Variants in LAMTOR5 observed in about 807,000 individuals in gnomAD.
LAMTOR5 encodes late endosomal/lysosomal adaptor, MAPK and MTOR activator 5.
Under a neutral mutation model 12.1 loss-of-function variants are expected in LAMTOR5, and 8 were observed. That is an observed-to-expected ratio of 0.66 (90% CI 0.39 to 1.19). The LOEUF (loss-of-function observed/expected upper bound fraction) is 1.19. Among genes scored for constraint, LAMTOR5 ranks in the 50% most tolerant of loss-of-function variants. The pLI is 0.01. For synonymous variants in LAMTOR5, 37 were observed against 41.9 expected, an observed-to-expected ratio of 0.88 and a Z score of 0.45; for missense variants, 110 against 112.8, an observed-to-expected ratio of 0.97 and a Z score of 0.11.
In LAMTOR5 at chr1:110,404,013, GCTCATC is replaced by G. The variant is rs1663279600; in HGVS notation, c.115_120del (p.Asp39_Glu40del). On this transcript the variant is annotated inframe_deletion, in exon 3 of 4. Transcript: ENST00000602318. ...GCTAGAACAGATATCACTCCAGCAT[GCTCATC>G]TGACAGGGTCCCGCGGCCTGGAAAA... is the stretch of plus-strand genomic sequence containing the variant. The G allele has an allele frequency of 6.2e-7, 1 of 1,613,998 alleles. No homozygotes were observed. Among genetic ancestry groups the G allele is most frequent in the Non-Finnish European group, 8.5e-7 (1 of 1,180,018 alleles).
chr1:110,404,123 C>T (rs919618080), intron 2 of LAMTOR5, 87 bp from the exon 3 acceptor site: 2 of 1,547,590 alleles, frequency 1.3e-6, no homozygotes, highest in Non-Finnish European at 1.7e-6. Context: ...AAAATGTCTA[C>T]AGAATTGTCT....
At chr1:110,404,779 T>C (rs1427558468) in intron 2 of LAMTOR5, among the ~76,000 whole-genome samples, 1 of 152,206 alleles carries the variant, frequency 6.6e-6, no homozygotes, top group Admixed American at 6.5e-5. Flanking sequence ...CCGGGTGTAG[T>C]GGCTCATTCC....
At position 110,406,332 on chromosome 1, in the gene LAMTOR5, C is replaced by A; in HGVS notation, c.83G>T (p.Gly28Val). 1 of 1,606,446 alleles carries A rather than the reference C, an allele frequency of 6.2e-7. No individual in the cohort carries two copies. Among genetic ancestry groups the A allele is most frequent in the South Asian group, 1.1e-5 (1 of 89,722 alleles). ...IVGVLCTDSQ[G>V]LNLGCRGTLS... ...GAGATACTTACAACCCAGATTAAGT[C>A]CTTGTGAATCTGTGCACAGGACTCC... Residue 28 changes from glycine (G) to valine (V), a missense_variant, in exon 2 of 4, where the codon GGA (glycine) becomes GTA (valine). Transcript: ENST00000602318.
chr1:110,407,694 T>A lies in LAMTOR5; in HGVS notation c.-74A>T. 4 of 1,614,206 alleles carry A rather than the reference T, an allele frequency of 2.5e-6. No individual in the cohort carries two copies. Among genetic ancestry groups the A allele is most frequent in the Non-Finnish European group, 3.4e-6 (4 of 1,180,024 alleles). On this transcript the variant is annotated 5_prime_UTR_variant, in exon 1 of 4. Coordinates refer to ENST00000602318, the MANE Select transcript of LAMTOR5 (RefSeq NM_001382293.1). ...TTCTCCACCACAGGCCTCAGTCACTTGACGCGAGCGGGGCGTGGACCGTAA... is the reference window on the plus strand; with the variant it reads ...TTCTCCACCACAGGCCTCAGTCACTAGACGCGAGCGGGGCGTGGACCGTAA...
At chr1:110,404,770 C>A (rs541545925) in intron 2 of LAMTOR5, among the ~76,000 whole-genome samples, 32 of 152,140 alleles carry the variant, frequency 2.1e-4, no homozygotes, top group Admixed American at 2.0e-3. Context: ...GTGATTAGGC[C>A]GGGTGTAGTG....
chr1:110,404,269 A>G (rs1235875932), intron 2 of LAMTOR5, among the ~76,000 whole-genome samples: 1 of 104,168 alleles, frequency 9.6e-6, no homozygotes, highest in Non-Finnish European at 2.2e-5. Context: ...AAGGCAACAC[A>G]AAGTTAACTG....
chr1:110,403,825 T>C, intron 3 of LAMTOR5, 94 bp downstream of exon 3: 1 of 1,524,140 alleles, frequency 6.6e-7, no homozygotes, highest in Non-Finnish European at 8.8e-7. Flanking sequence ...GTAGTCTGAA[T>C]AAGGAATCAC....
chr1:110,401,594 G>GGATTACT lies in LAMTOR5; in HGVS notation c.216-12_216-11insAGTAATC. ...TGGATCATAATGTTCCTGAAATGCA[G>GGATTACT]GAAGAAAATATTCAGTAAAACGTAA... is the stretch of plus-strand genomic sequence containing the variant. On this transcript the variant is annotated splice_polypyrimidine_tract_variant and intron_variant, in intron 3 of 3. Transcript: ENST00000602318. The GGATTACT allele has an allele frequency of 6.3e-7, 1 of 1,599,536 alleles. No homozygotes were observed. The highest frequency in any genetic ancestry group is 8.6e-7 in the Non-Finnish European group (1 of 1,168,218).
chr1:110,401,260 C>A lies in LAMTOR5; in HGVS notation c.*263G>T, dbSNP rs1040748067. ...GAATCTAGAAAAGATCCATTTTCCT[C>A]CAAACAGATTTATTGAATACAGCAA... On this transcript the variant is annotated 3_prime_UTR_variant, in exon 4 of 4. Coordinates refer to ENST00000602318, the MANE Select transcript of LAMTOR5 (RefSeq NM_001382293.1). The A allele has an allele frequency of 1.3e-5, 4 of 310,736 alleles. No homozygotes were observed. Among genetic ancestry groups the A allele is most frequent in the Non-Finnish European group, 2.3e-5 (4 of 171,578 alleles). 19.2% of individuals were successfully genotyped at this position (310,736 alleles called of 1,614,324 possible). A position where few individuals can be genotyped will look rare whatever the true frequency, so the allele number is the denominator to read the frequency against.
Position 110,404,039 on chromosome 1 carries a change from G to A in LAMTOR5, c.98-3C>T, listed in dbSNP as rs754579531. 2 of 1,613,120 alleles carry A rather than the reference G, an allele frequency of 1.2e-6. No homozygotes were observed. Among genetic ancestry groups the A allele is most frequent in the Non-Finnish European group, 8.5e-7 (1 of 1,179,690 alleles). ...CTCATCTGACAGGGTCCCGCGGCCTGGAAAATAGAGATGATATATGTCACC... is the reference window on the plus strand; with the variant it reads ...CTCATCTGACAGGGTCCCGCGGCCTAGAAAATAGAGATGATATATGTCACC... On this transcript the variant is annotated splice_polypyrimidine_tract_variant and splice_region_variant and intron_variant, in intron 2 of 3. Coordinates refer to ENST00000602318, the MANE Select transcript of LAMTOR5 (RefSeq NM_001382293.1).
Position 110,406,307 on chromosome 1 carries a change from G to A in LAMTOR5, c.97+11C>T. The A allele has an allele frequency of 1.3e-6, 2 of 1,578,956 alleles. No homozygotes were observed. Among genetic ancestry groups the A allele is most frequent in the African/African-American group, 1.4e-5 (1 of 73,960 alleles). Reference sequence around the variant, plus strand: ...GCAATTCATCAAATAGTTGGTATGAGAGATACTTACAACCCAGATTAAGTC... The same window carrying A: ...GCAATTCATCAAATAGTTGGTATGAAAGATACTTACAACCCAGATTAAGTC... On this transcript the variant is annotated intron_variant, in intron 2 of 3. Coordinates refer to ENST00000602318, the MANE Select transcript of LAMTOR5 (RefSeq NM_001382293.1).
At position 110,403,419 on chromosome 1, in the gene LAMTOR5, G is replaced by C. The variant is rs995594134; in HGVS notation, c.215+500C>G. ...AGCCCAGGAGTTCGAGACCAGCCTG[G>C]GAAACATGGTGAAACCTCATCTCTA... is the stretch of plus-strand genomic sequence containing the variant. On this transcript the variant is annotated intron_variant, in intron 3 of 3. Transcript: ENST00000602318. Among the ~76,000 whole-genome samples the C allele has an allele frequency of 2.0e-5, 3 of 151,880 alleles. No individual in the cohort carries two copies. In the East Asian group the frequency reaches 5.8e-4, roughly 29 times the overall value.
At chr1:110,404,404 A>T (rs562110423) in intron 2 of LAMTOR5, among the ~76,000 whole-genome samples, 19 of 152,358 alleles carry the variant, frequency 1.2e-4, no homozygotes, top group Non-Finnish European at 2.4e-4. Flanking sequence ...TTCTTGAAGG[A>T]ACTCATTTAG....
Position 110,401,293 on chromosome 1 carries a change from T to C in LAMTOR5, c.*230A>G. ...ATTTATTGAATACAGCAAAATTCTA[T>C]ATACAAAGTGACCTGGACCTGCTGC... On this transcript the variant is annotated 3_prime_UTR_variant, in exon 4 of 4. Transcript: ENST00000602318. The C allele has an allele frequency of 2.6e-6, 1 of 377,940 alleles. No homozygotes were observed. The highest frequency in any genetic ancestry group is 4.7e-6 in the Non-Finnish European group (1 of 210,874). The allele number at this position is 377,940 out of a possible 1,614,324, so 23.4% of individuals were successfully genotyped here. A position where few individuals can be genotyped will look rare whatever the true frequency, so the allele number is the denominator to read the frequency against.
intron 3 of LAMTOR5, among the ~76,000 whole-genome samples, chr1:110,401,945 G>A (rs1416527131): frequency 6.6e-6 from 1 of 152,136 alleles, no homozygotes; most frequent in African/African-American, 2.4e-5. Flanking sequence ...GGCTTTACTG[G>A]TCTTTGTTTT....
intron 2 of LAMTOR5, among the ~76,000 whole-genome samples, chr1:110,405,368 T>G (rs1157472817): frequency 6.6e-6 from 1 of 152,134 alleles, no homozygotes; most frequent in African/African-American, 2.4e-5. Flanking sequence ...TTTCACCATG[T>G]TGGCCAGGCT....
chr1:110,406,283 C>T (rs772047024), intron 2 of LAMTOR5, 35 bp downstream of exon 2: 2 of 1,423,718 alleles, frequency 1.4e-6, no homozygotes, highest in Non-Finnish European at 1.9e-6. Context: ...AGATGCTATG[C>T]AATTCATCAA....
At chr1:110,402,352 G>A (rs1171692564) in intron 3 of LAMTOR5, among the ~76,000 whole-genome samples, 1 of 152,132 alleles carries the variant, frequency 6.6e-6, no homozygotes, top group African/African-American at 2.4e-5. Flanking sequence ...CCGGGTTCAA[G>A]CAATTCTCCT....
chr1:110,404,109 T>C, intron 2 of LAMTOR5, 73 bp from the exon 3 acceptor site: 1 of 1,578,508 alleles, frequency 6.3e-7, no homozygotes, highest in Non-Finnish European at 8.6e-7. Flanking sequence ...TAGCTGGCTG[T>C]TTTAAAATGT....
Sources: allele counts gnomAD v4.1 joint callset (sites outside exome capture counted in the v4.1 genomes callset), GRCh38; gene constraint gnomAD v4.1.1; transcripts MANE v1.5; gene names NCBI Gene and HGNC (gene_info 2026-07-23, HGNC 2026-07-21).